Variants in PCDH9 observed in about 807,000 individuals in gnomAD.
PCDH9 encodes protocadherin 9.
PCDH9 carries 24 observed loss-of-function variants against 70.6 expected under a neutral mutation model. The observed-to-expected ratio is 0.34, with a 90% CI of 0.25 to 0.48. PCDH9 has a LOEUF of 0.48. PCDH9 is among the 20% of genes least tolerant of loss of function. The probability of loss-of-function intolerance (pLI) is 0.99; values close to 1 mark genes in which losing one functional copy is unlikely to be tolerated. For synonymous variants in PCDH9, 562 were observed against 558.5 expected, an observed-to-expected ratio of 1.01 and a Z score of -0.09; for missense variants, 1,281 against 1,503.6, an observed-to-expected ratio of 0.85 and a Z score of 2.45.
At chr13:66,995,173 A>T (rs2084086965) in intron 2 of PCDH9, among the ~76,000 whole-genome samples, 1 of 152,182 alleles carries the variant, frequency 6.6e-6, no homozygotes, top group African/African-American at 2.4e-5. Context: ...TGTTAGATAG[A>T]ATAAATTCAT....
intron 4 of PCDH9, among the ~76,000 whole-genome samples, chr13:66,343,008 A>G (rs1255601602): frequency 6.6e-6 from 1 of 151,958 alleles, no homozygotes; most frequent in Admixed American, 6.6e-5. Context: ...GTAAACAGAG[A>G]TCCCTTTTCA....
At chr13:66,711,742 T>C (rs796343201) in intron 3 of PCDH9, among the ~76,000 whole-genome samples, 6 of 152,236 alleles carry the variant, frequency 3.9e-5, no homozygotes, top group African/African-American at 1.4e-4. Context: ...GATGGTCACA[T>C]TAATTGAGTC....
chr13:66,362,848 A>G (rs1956493641), intron 4 of PCDH9, among the ~76,000 whole-genome samples: 1 of 152,140 alleles, frequency 6.6e-6, no homozygotes, highest in Non-Finnish European at 1.5e-5. Flanking sequence ...ATCTTACACA[A>G]GGCACATACT....
At chr13:66,720,613 A>C (rs968289464) in intron 3 of PCDH9, among the ~76,000 whole-genome samples, 1 of 152,184 alleles carries the variant, frequency 6.6e-6, no homozygotes, top group African/African-American at 2.4e-5. Context: ...AAAATCATAT[A>C]TACCACATAA....
chr13:66,693,430 G>T (rs1457464734), intron 3 of PCDH9, among the ~76,000 whole-genome samples: 1 of 152,074 alleles, frequency 6.6e-6, no homozygotes, highest in Non-Finnish European at 1.5e-5. Context: ...TATATAAGAA[G>T]CTATACATCA....
chr13:66,433,814 A>C (rs1483960926), intron 4 of PCDH9, among the ~76,000 whole-genome samples: 5 of 151,902 alleles, frequency 3.3e-5, no homozygotes, highest in African/African-American at 1.2e-4. Context: ...ATATTTTTAT[A>C]AATATAATAT....
chr13:66,937,000 T>C (rs1197282031), intron 2 of PCDH9, among the ~76,000 whole-genome samples: 1 of 152,158 alleles, frequency 6.6e-6, no homozygotes, highest in East Asian at 1.9e-4. Context: ...ATTCAGGTCA[T>C]GTAAATTTGT....
At chr13:66,359,628 G>C (rs1956436297) in intron 4 of PCDH9, among the ~76,000 whole-genome samples, 1 of 151,986 alleles carries the variant, frequency 6.6e-6, no homozygotes, top group South Asian at 2.1e-4. Flanking sequence ...TACATTCTAG[G>C]AGAAACATTG....
At chr13:66,935,667 AAAC>A (rs1004809111) in intron 2 of PCDH9, among the ~76,000 whole-genome samples, 4 of 152,220 alleles carry the variant, frequency 2.6e-5, no homozygotes, top group African/African-American at 9.6e-5. Flanking sequence ...AGAAATCACA[AAAC>A]AATAAGAATA....
intron 4 of PCDH9, among the ~76,000 whole-genome samples, chr13:66,505,163 A>G (rs987243109): frequency 6.6e-5 from 10 of 152,120 alleles, no homozygotes; most frequent in African/African-American, 2.4e-4. Flanking sequence ...AAGGCCTATT[A>G]CTTTCTATTT....
chr13:66,561,900 T>C (rs1410759350), intron 4 of PCDH9, among the ~76,000 whole-genome samples: 1 of 152,050 alleles, frequency 6.6e-6, no homozygotes, highest in African/African-American at 2.4e-5. Context: ...GCTTTGTTCT[T>C]TCGCTCTTGG....
chr13:67,023,201 A>G (rs1466782780), intron 2 of PCDH9, among the ~76,000 whole-genome samples: 1 of 151,866 alleles, frequency 6.6e-6, no homozygotes, highest in African/African-American at 2.4e-5. Context: ...TTTTAGAAGA[A>G]TATTTGTTTA....
At chr13:66,329,630 T>G (rs1006952612) in intron 4 of PCDH9, among the ~76,000 whole-genome samples, 4 of 152,152 alleles carry the variant, frequency 2.6e-5, no homozygotes, top group African/African-American at 9.7e-5. Context: ...TGGAATGGGT[T>G]TTTAATAAAA....
At chr13:67,184,736 CA>C (rs984846343) in intron 2 of PCDH9, among the ~76,000 whole-genome samples, 5 of 151,978 alleles carry the variant, frequency 3.3e-5, no homozygotes, top group Non-Finnish European at 1.5e-5. Flanking sequence ...GTCTAAAAAC[CA>C]ACCAACAAAC....
intron 4 of PCDH9, among the ~76,000 whole-genome samples, chr13:66,417,549 G>T (rs922923962): frequency 4.6e-5 from 7 of 152,066 alleles, no homozygotes; most frequent in Non-Finnish European, 1.5e-5. Context: ...CCCAGAAATG[G>T]TATTTCTGGT....
intron 3 of PCDH9, among the ~76,000 whole-genome samples, chr13:66,840,055 T>C (rs905497014): frequency 2.0e-5 from 3 of 152,178 alleles, no homozygotes; most frequent in African/African-American, 7.2e-5. Flanking sequence ...TGGCCATTCC[T>C]AGGATGTGGT....
At chr13:66,842,055 G>T (rs1169140770) in intron 3 of PCDH9, among the ~76,000 whole-genome samples, 1 of 152,110 alleles carries the variant, frequency 6.6e-6, no homozygotes, top group Non-Finnish European at 1.5e-5. Flanking sequence ...GAGCAGAAAA[G>T]GTAGGAGAGA....
At chr13:66,577,639 C>T (rs9529099) in intron 4 of PCDH9, among the ~76,000 whole-genome samples, 24 of 151,744 alleles carry the variant, frequency 1.6e-4, no homozygotes, top group Admixed American at 3.9e-4. Context: ...TCCCCGCCCC[C>T]CTAACACACA....
intron 4 of PCDH9, among the ~76,000 whole-genome samples, chr13:66,590,848 T>A (rs1454231579): frequency 6.6e-6 from 1 of 151,844 alleles, no homozygotes; most frequent in Non-Finnish European, 1.5e-5. Context: ...TACATCCTCA[T>A]ATTGATTTAT....
Sources: gnomAD v4.1 joint callset for allele counts (sites outside exome capture counted in the v4.1 genomes callset) on GRCh38, gnomAD v4.1.1 for gene constraint, MANE v1.5 for transcripts, NCBI Gene and HGNC (gene_info 2026-07-23, HGNC 2026-07-21) for gene names.